CREG2: variants seen among roughly 807,000 people sequenced by gnomAD.
The protein encoded by CREG2 is cellular repressor of E1A stimulated genes 2.
In CREG2, 24 loss-of-function variants were observed where a neutral mutation model predicts 26.2. The ratio of observed to expected loss-of-function variants is 0.92; its 90% CI spans 0.66 to 1.29. CREG2 has a LOEUF of 1.29. Among genes scored for constraint, CREG2 ranks in the 50% most tolerant of loss-of-function variants. The probability of loss-of-function intolerance (pLI) is 0.00; values close to 1 mark genes in which losing one functional copy is unlikely to be tolerated. For synonymous variants in CREG2, 174 were observed against 169.2 expected, an observed-to-expected ratio of 1.03 and a Z score of -0.22; for missense variants, 366 against 398.6, an observed-to-expected ratio of 0.92 and a Z score of 0.70.
chr2:101,381,563 G>A (rs1684873822), intron 2 of CREG2, among the ~76,000 whole-genome samples: 1 of 152,222 alleles, frequency 6.6e-6, no homozygotes, highest in South Asian at 2.1e-4. Context: ...GCCAAACTTG[G>A]TTTTGTAGGC....
chr2:101,349,436 A>G lies in CREG2; in HGVS notation c.*1487T>C, dbSNP rs1198940493. 1.3e-4 allele frequency: 20 copies of G among 152,670 alleles called. No homozygotes were observed. The highest frequency in any genetic ancestry group is 1.3e-3 in the Admixed American group (20 of 15,286). 9.5% of individuals were successfully genotyped at this position (152,670 alleles called of 1,614,324 possible). Reference sequence around the variant, plus strand: ...TTTTGTTAAGCAAAAGTTCATAATCATTAATAACACTCTTATTTACTTGAA... The same window carrying G: ...TTTTGTTAAGCAAAAGTTCATAATCGTTAATAACACTCTTATTTACTTGAA... On this transcript the variant is annotated 3_prime_UTR_variant, in exon 4 of 4. Transcript: ENST00000324768.
intron 2 of CREG2, among the ~76,000 whole-genome samples, chr2:101,366,202 T>C (rs1684614676): frequency 6.6e-6 from 1 of 152,206 alleles, no homozygotes; most frequent in African/African-American, 2.4e-5. Flanking sequence ...TTCTTCCTAC[T>C]CTTAGGGCAC....
intron 2 of CREG2, among the ~76,000 whole-genome samples, chr2:101,369,421 C>G (rs1012032920): frequency 2.6e-5 from 4 of 152,058 alleles, no homozygotes; most frequent in Admixed American, 6.6e-5. Flanking sequence ...AAGCGGGGTT[C>G]GAGGTGCCCA....
chr2:101,352,501 G>A (rs1035412516), intron 3 of CREG2, among the ~76,000 whole-genome samples: 1 of 152,182 alleles, frequency 6.6e-6, no homozygotes, highest in Non-Finnish European at 1.5e-5. Flanking sequence ...GACTGACAGT[G>A]AGGGCTTATA....
intron 3 of CREG2, among the ~76,000 whole-genome samples, chr2:101,353,556 C>T (rs988407858): frequency 2.0e-5 from 3 of 152,126 alleles, no homozygotes; most frequent in Non-Finnish European, 2.9e-5. Context: ...GACAATATGG[C>T]GATTCCTTAA....
intron 2 of CREG2, among the ~76,000 whole-genome samples, chr2:101,367,895 G>A (rs958492358): frequency 1.3e-5 from 2 of 152,274 alleles, no homozygotes; most frequent in African/African-American, 4.8e-5. Flanking sequence ...GCAAGGAAAC[G>A]GCTTCTCCTC....
rs34370954 is a variant in CREG2 at position 101,379,969 on chromosome 2, TTCTATCTATCTA to T, written c.611+3552_611+3563del. Among the ~76,000 whole-genome samples the T allele has an allele frequency of 2.3e-3, 343 of 147,858 alleles. 2 individuals are homozygous for T. The Middle Eastern group carries it at 0.024, about 10-fold the overall frequency. Reference sequence around the variant, plus strand: ...AGAGAAGAGTTGAATGTGTGAAAGCTTCTATCTATCTATCTATCTATCTATCTATCTATCTAT... The same window carrying T: ...AGAGAAGAGTTGAATGTGTGAAAGCTTCTATCTATCTATCTATCTATCTAT... On this transcript the variant is annotated intron_variant, in intron 2 of 3. Coordinates refer to ENST00000324768, the MANE Select transcript of CREG2 (RefSeq NM_153836.4).
At chr2:101,365,241 C>T (rs987354212) in intron 2 of CREG2, among the ~76,000 whole-genome samples, 2 of 152,196 alleles carry the variant, frequency 1.3e-5, no homozygotes, top group Non-Finnish European at 2.9e-5. Flanking sequence ...GCCTTTCCGG[C>T]ATCTGCAGAA....
At chr2:101,378,988 A>G (rs1392938433) in intron 2 of CREG2, among the ~76,000 whole-genome samples, 3 of 151,684 alleles carry the variant, frequency 2.0e-5, no homozygotes, top group Non-Finnish European at 4.4e-5. Flanking sequence ...CCTGGGCGAC[A>G]GAGTGAGACT....
chr2:101,358,727 G>A (rs2104472382), intron 2 of CREG2, among the ~76,000 whole-genome samples: 1 of 152,264 alleles, frequency 6.6e-6, no homozygotes, highest in South Asian at 2.1e-4. Flanking sequence ...AGCTGAGGGG[G>A]GCATAAGGCA....
intron 2 of CREG2, chr2:101,375,798 G>GTT (rs1345282745): frequency 6.5e-6 from 1 of 154,400 alleles, no homozygotes; most frequent in Non-Finnish European, 1.4e-5. Flanking sequence ...GGCTGACAGT[G>GTT]TTTTACTCCT....
chr2:101,356,275 G>T (rs1684458385), intron 2 of CREG2, among the ~76,000 whole-genome samples: 1 of 152,164 alleles, frequency 6.6e-6, no homozygotes, highest in Non-Finnish European at 1.5e-5. Context: ...TGGGGGCAGG[G>T]CAGGCCAAAA....
chr2:101,358,199 C>G (rs375658719), intron 2 of CREG2, among the ~76,000 whole-genome samples: 5 of 152,074 alleles, frequency 3.3e-5, no homozygotes, highest in African/African-American at 1.2e-4. Flanking sequence ...ACCATGTTGG[C>G]CAGGCTGGTC....
intron 2 of CREG2, among the ~76,000 whole-genome samples, chr2:101,381,192 C>T (rs980902818): frequency 1.3e-5 from 2 of 152,176 alleles, no homozygotes; most frequent in African/African-American, 2.4e-5. Flanking sequence ...GCAGGAGGGG[C>T]ACCTTGCTGG....
At chr2:101,380,073 CATCT>C (rs10560610) in intron 2 of CREG2, among the ~76,000 whole-genome samples, 34,774 of 151,976 alleles carry the variant, frequency 0.23, 4,701 homozygotes, top group South Asian at 0.37. Context: ...ATCCATCATT[CATCT>C]ATCTATTCAT....
chr2:101,368,085 G>A (rs1684646080), intron 2 of CREG2, among the ~76,000 whole-genome samples: 1 of 152,070 alleles, frequency 6.6e-6, no homozygotes. Flanking sequence ...TCAGGAGTTC[G>A]AGACCAGCCT....
At chr2:101,370,020 G>C (rs1414957621) in intron 2 of CREG2, among the ~76,000 whole-genome samples, 1 of 152,214 alleles carries the variant, frequency 6.6e-6, no homozygotes, top group Non-Finnish European at 1.5e-5. Context: ...CAGAGGCAGG[G>C]AATACAGTGG....
chr2:101,359,570 T>G (rs1297892807), intron 2 of CREG2, among the ~76,000 whole-genome samples: 1 of 152,230 alleles, frequency 6.6e-6, no homozygotes, highest in Admixed American at 6.5e-5. Flanking sequence ...ACCAATTATT[T>G]TTTTAGAGAG....
intron 2 of CREG2, among the ~76,000 whole-genome samples, chr2:101,378,622 G>A (rs1352771618): frequency 6.6e-6 from 1 of 152,126 alleles, no homozygotes; most frequent in Non-Finnish European, 1.5e-5. Context: ...AGTCAACCAT[G>A]GAGCCAGAGG....
Sources: gnomAD v4.1 joint callset for allele counts (sites outside exome capture counted in the v4.1 genomes callset) on GRCh38, gnomAD v4.1.1 for gene constraint, MANE v1.5 for transcripts, NCBI Gene and HGNC (gene_info 2026-07-23, HGNC 2026-07-21) for gene names.